The following FNDC3B variants were observed in gnomAD, a reference collection of about 807,000 sequenced individuals.
The protein encoded by FNDC3B is fibronectin type III domain-containing protein 3B.
Under a neutral mutation model 151.5 loss-of-function variants are expected in FNDC3B, and 12 were observed. That is an observed-to-expected ratio of 0.08 (90% CI 0.05 to 0.13). The LOEUF (loss-of-function observed/expected upper bound fraction) is 0.13. Among genes scored for constraint, FNDC3B ranks in the 10% least tolerant of loss-of-function variants. The pLI is 1.00. For synonymous variants in FNDC3B, 528 were observed against 549.0 expected (o/e 0.96, Z 0.54); for missense variants, 1,214 against 1,505.3 (o/e 0.81, Z 3.20).
Position 172,247,627 on chromosome 3 carries a change from C to T in FNDC3B, c.359C>T (p.Thr120Ile), listed in dbSNP as rs1318689321. ...PPSYPSAMSP[T>I]HHLPPYLTHH... Reference sequence around the variant, plus strand: ...AGCTACCCCTCAGCCATGTCTCCAACCCATCATCTCCCTCCCTATCTGACT... The same window carrying T: ...AGCTACCCCTCAGCCATGTCTCCAATCCATCATCTCCCTCCCTATCTGACT... The change falls in exon 5 of 26, where the codon ACC becomes ATC. Residue 120 changes from threonine to isoleucine, a missense_variant. Coordinates refer to ENST00000415807, the MANE Select transcript of FNDC3B (RefSeq NM_022763.4). The T allele has an allele frequency of 1.9e-6, 3 of 1,614,138 alleles. No homozygotes were observed. Among genetic ancestry groups the T allele is most frequent in the Non-Finnish European group, 2.5e-6 (3 of 1,180,018 alleles).
chr3:172,103,436 C>T (rs1452742567), intron 1 of FNDC3B, among the ~76,000 whole-genome samples: 4 of 151,902 alleles, frequency 2.6e-5, no homozygotes, highest in Admixed American at 1.3e-4. Context: ...TTTTTCTCCC[C>T]GAGAAAATAG....
At chr3:172,210,210 G>A (rs930881089) in intron 3 of FNDC3B, among the ~76,000 whole-genome samples, 7 of 152,102 alleles carry the variant, frequency 4.6e-5, no homozygotes, top group Admixed American at 1.3e-4. Flanking sequence ...CCACGAAGCC[G>A]CCCCCCACTC....
chr3:172,059,188 C>T (rs1014891045), intron 1 of FNDC3B, among the ~76,000 whole-genome samples: 2 of 152,102 alleles, frequency 1.3e-5, no homozygotes, highest in African/African-American at 2.4e-5. Context: ...TGTAGAAATA[C>T]ATTTTGATGA....
rs200226547 is a variant in FNDC3B, at chr3:172,316,592, AAAGT to A, written c.1254+5713_1254+5716del. The A allele has an allele frequency of 7.2e-3, 2,712 of 375,260 alleles. 66 individuals are homozygous for A. Among genetic ancestry groups the A allele is most frequent in the African/African-American group, 0.05 (2,347 of 47,036 alleles). The allele number at this position is 375,260 out of a possible 1,614,324, so 23.2% of individuals were successfully genotyped here. On this transcript the variant is annotated intron_variant, in intron 11 of 25. Coordinates refer to ENST00000415807, the MANE Select transcript of FNDC3B (RefSeq NM_022763.4). ...TTTAGAAAAAATTAGTTACATAAAG[AAAGT>A]ATTTATGCAAAGTTGGCTTGTTTTA... is the stretch of plus-strand genomic sequence containing the variant.
chr3:172,341,086 A>C, intron 16 of FNDC3B, 27 bp from the exon 17 acceptor site: 2 of 1,477,182 alleles, frequency 1.4e-6, no homozygotes, highest in South Asian at 1.1e-5. Flanking sequence ...AAGAGGCATA[A>C]AGTCATGCAT....
intron 1 of FNDC3B, among the ~76,000 whole-genome samples, chr3:172,042,880 G>A (rs1265138524): frequency 6.6e-6 from 1 of 151,266 alleles, no homozygotes; most frequent in African/African-American, 2.4e-5. Context: ...GCCCAGGCTG[G>A]AGTGAGTGCA....
At chr3:172,386,851 T>C (rs1373073099) in intron 25 of FNDC3B, among the ~76,000 whole-genome samples, 1 of 152,032 alleles carries the variant, frequency 6.6e-6, no homozygotes, top group Non-Finnish European at 1.5e-5. Context: ...ATTTTTATCA[T>C]GTATCATTTT....
At chr3:172,068,940 C>T (rs1717638772) in intron 1 of FNDC3B, among the ~76,000 whole-genome samples, 1 of 152,068 alleles carries the variant, frequency 6.6e-6, no homozygotes, top group African/African-American at 2.4e-5. Flanking sequence ...AAGCAACTTG[C>T]CTGAAGTTAA....
chr3:172,116,616 A>C (rs534525998), intron 2 of FNDC3B, among the ~76,000 whole-genome samples: 2 of 152,056 alleles, frequency 1.3e-5, no homozygotes, highest in South Asian at 4.1e-4. Flanking sequence ...CCCAGGCTGG[A>C]GTGCAATGGC....
intron 1 of FNDC3B, among the ~76,000 whole-genome samples, chr3:172,087,377 T>C (rs1718598285): frequency 6.6e-6 from 1 of 152,212 alleles, no homozygotes; most frequent in Non-Finnish European, 1.5e-5. Context: ...ACATAGAGGC[T>C]GATGTAATAG....
chr3:172,113,160 CTT>C (rs947179380), intron 2 of FNDC3B, among the ~76,000 whole-genome samples: 2 of 152,162 alleles, frequency 1.3e-5, no homozygotes, highest in Admixed American at 1.3e-4. Flanking sequence ...GTAAGTGAAA[CTT>C]TAACAAATTA....
intron 22 of FNDC3B, among the ~76,000 whole-genome samples, chr3:172,360,903 AGCTATTTTAGTTCCTTT>A (rs1209095131): frequency 6.6e-6 from 1 of 152,118 alleles, no homozygotes; most frequent in African/African-American, 2.4e-5. Flanking sequence ...ATTTTGCATT[AGCTATTTTAGTTCCTTT>A]GCCTTTCCAC....
intron 1 of FNDC3B, among the ~76,000 whole-genome samples, chr3:172,101,103 A>G (rs1334596539): frequency 1.3e-5 from 2 of 152,226 alleles, no homozygotes; most frequent in African/African-American, 2.4e-5. Context: ...ATTGAATTCT[A>G]TACGAGCTGA....
chr3:172,135,227 TA>T (rs1721301364), intron 3 of FNDC3B, among the ~76,000 whole-genome samples: 1 of 152,166 alleles, frequency 6.6e-6, no homozygotes, highest in South Asian at 2.1e-4. Context: ...CACCTAAGTT[TA>T]CTTTTTGGTG....
At chr3:172,282,418 G>A (rs1729781510) in intron 6 of FNDC3B, among the ~76,000 whole-genome samples, 1 of 152,122 alleles carries the variant, frequency 6.6e-6, no homozygotes, top group South Asian at 2.1e-4. Flanking sequence ...AGGGGCTAGT[G>A]ACCAGACACG....
intron 23 of FNDC3B, among the ~76,000 whole-genome samples, chr3:172,367,369 A>G (rs1231802720): frequency 6.6e-6 from 1 of 152,200 alleles, no homozygotes; most frequent in Non-Finnish European, 1.5e-5. Flanking sequence ...AGATAAATTA[A>G]CATCAAACAA....
chr3:172,094,021 C>T (rs992693015), intron 1 of FNDC3B, among the ~76,000 whole-genome samples: 2 of 151,330 alleles, frequency 1.3e-5, no homozygotes, highest in African/African-American at 2.4e-5. Context: ...TCTAGAACAT[C>T]GGCATTGTGT....
rs33956893 is a variant in FNDC3B at position 172,231,879 on chromosome 3, G to GTTTT, written c.264+4948_264+4951dup. On this transcript the variant is annotated intron_variant, in intron 4 of 25. Coordinates refer to ENST00000415807, the MANE Select transcript of FNDC3B (RefSeq NM_022763.4). ...GTGCATTGTATGGTCTTTATTTACCGTTTTTTTTTTTTTTTTTTTGAGATG... is the reference window on the plus strand; with the variant it reads ...GTGCATTGTATGGTCTTTATTTACCGTTTTTTTTTTTTTTTTTTTTTTTGAGATG... Among the ~76,000 whole-genome samples the GTTTT allele has an allele frequency of 3.0e-3, 313 of 104,494 alleles. 15 individuals carry two copies. Among genetic ancestry groups the GTTTT allele is most frequent in the East Asian group, 9.0e-3 (31 of 3,444 alleles). The allele number at this position is 104,494 out of a possible 152,430, so 68.6% of individuals were successfully genotyped here. A position where few individuals can be genotyped will look rare whatever the true frequency, so the allele number is the denominator to read the frequency against.
chr3:172,387,049 C>T (rs573016036), intron 25 of FNDC3B, among the ~76,000 whole-genome samples: 17 of 152,186 alleles, frequency 1.1e-4, no homozygotes, highest in South Asian at 8.3e-4. Context: ...CTCTGCCTCC[C>T]GGGTTCAAGT....
Sources: allele counts gnomAD v4.1 joint callset (sites outside exome capture counted in the v4.1 genomes callset), GRCh38; gene constraint gnomAD v4.1.1; transcripts MANE v1.5; gene names NCBI Gene and HGNC (gene_info 2026-07-23, HGNC 2026-07-21).